The following PSMC2 variants were observed in gnomAD, a reference collection of about 807,000 sequenced individuals.
PSMC2 encodes proteasome 26S subunit, ATPase 2.
PSMC2 carries 7 observed loss-of-function variants against 53.3 expected under a neutral mutation model. The observed-to-expected ratio is 0.13, with a 90% CI of 0.07 to 0.25. The LOEUF (loss-of-function observed/expected upper bound fraction) is 0.25. PSMC2 is among the 10% of genes least tolerant of loss of function. The pLI, the probability that PSMC2 is intolerant of heterozygous loss-of-function variation, is 1.00. For missense variants in PSMC2, 241 were observed against 544.0 expected, an observed-to-expected ratio of 0.44 and a Z score of 5.54; for synonymous variants, 169 against 183.9, an observed-to-expected ratio of 0.92 and a Z score of 0.66.
chr7:103,364,052 TA>T, intron 7 of PSMC2, 90 bp from the exon 8 acceptor site: 1 of 1,225,464 alleles, frequency 8.2e-7, no homozygotes. Context: ...CAGGATAAAA[TA>T]CTAAACATAA....
chr7:103,364,958 C>CATATATATAT lies in PSMC2; in HGVS notation c.756+668_756+677dup, dbSNP rs59914167. ...GGTTGTTTTTATGTTTGTAGACATACATATATATATATATATATATATATA... is the reference window on the plus strand; with the variant it reads ...GGTTGTTTTTATGTTTGTAGACATACATATATATATATATATATATATATATATATATATA... On this transcript the variant is annotated intron_variant, in intron 8 of 11. Coordinates refer to ENST00000292644, the MANE Select transcript of PSMC2 (RefSeq NM_002803.4). Among the ~76,000 whole-genome samples, 1,217 of 125,420 alleles carry CATATATATAT rather than the reference C, an allele frequency of 9.7e-3. 31 individuals are homozygous for CATATATATAT. The highest frequency in any genetic ancestry group is 0.076 in the East Asian group (303 of 3,982). 82.3% of individuals were successfully genotyped at this position (125,420 alleles called of 152,430 possible).
chr7:103,359,506 A>AAT (rs1820252224), intron 4 of PSMC2, among the ~76,000 whole-genome samples: 1 of 152,084 alleles, frequency 6.6e-6, no homozygotes, highest in African/African-American at 2.4e-5. Flanking sequence ...GTCTCTTTCC[A>AAT]GCCCCTGGCA....
chr7:103,368,787 T>C lies in PSMC2; in HGVS notation c.*733T>C, dbSNP rs1219041436. ...AAATATTTGTACATATGATCTAATT[T>C]AGAAAGTCCAGAATTGGCTTCATAC... On this transcript the variant is annotated 3_prime_UTR_variant, in exon 12 of 12. Transcript: ENST00000292644. The C allele has an allele frequency of 6.6e-6, 1 of 152,224 alleles. No homozygotes were observed. The highest frequency in any genetic ancestry group is 1.5e-5 in the Non-Finnish European group (1 of 68,038). The allele number at this position is 152,224 out of a possible 1,614,324, so 9.4% of individuals were successfully genotyped here.
chr7:103,361,984 G>C lies in PSMC2; in HGVS notation c.318G>C (p.Ser106=). 2 of 1,613,124 alleles carry C rather than the reference G, an allele frequency of 1.2e-6. No individual in the cohort carries two copies. The highest frequency in any genetic ancestry group is 1.7e-6 in the Non-Finnish European group (2 of 1,179,728). The change falls in exon 5 of 12, where the codon TCG becomes TCC. Residue 106 remains serine, a synonymous_variant. Transcript: ENST00000292644. ...GTACAAAGATAATCAATGCTGATTC[G>C]GAGGACCCAAAATACATTATCAACG... The part of the protein sequence containing the change: ...ARCTKIINAD[S]EDPKYIINVK...
At chr7:103,354,213 T>G (rs903441965) in intron 2 of PSMC2, among the ~76,000 whole-genome samples, 3 of 152,204 alleles carry the variant, frequency 2.0e-5, no homozygotes, top group African/African-American at 7.2e-5. Context: ...TGTATTATTT[T>G]AATACTATTC....
rs1820861308 is a variant in PSMC2, at chr7:103,368,792, A to G, written c.*738A>G. ...TTTGTACATATGATCTAATTTAGAA[A>G]GTCCAGAATTGGCTTCATACAGAAA... On this transcript the variant is annotated 3_prime_UTR_variant, in exon 12 of 12. Coordinates refer to ENST00000292644, the MANE Select transcript of PSMC2 (RefSeq NM_002803.4). 1 of 152,236 alleles carries G rather than the reference A, an allele frequency of 6.6e-6. No homozygotes were observed. The highest frequency in any genetic ancestry group is 2.1e-4 in the South Asian group (1 of 4,838). 9.4% of individuals were successfully genotyped at this position (152,236 alleles called of 1,614,324 possible).
At chr7:103,350,028 T>G (rs1363316067) in intron 1 of PSMC2, among the ~76,000 whole-genome samples, 1 of 152,242 alleles carries the variant, frequency 6.6e-6, no homozygotes, top group Non-Finnish European at 1.5e-5. Context: ...ATTTTTGTTA[T>G]GTGCAACCTT....
In PSMC2 at chr7:103,347,764, A is replaced by C. The variant is rs1819636023; in HGVS notation, c.53A>C (p.Asp18Ala). The C allele has an allele frequency of 1.2e-6, 2 of 1,613,766 alleles. No homozygotes were observed. The highest frequency in any genetic ancestry group is 3.3e-5 in the Admixed American group (2 of 59,994). Reference sequence around the variant, plus strand: ...CGGAAGACCAAAGAGGATGAGAAGGACGACAAGCCCATCCGAGGTCAGTTG... The same window carrying C: ...CGGAAGACCAAAGAGGATGAGAAGGCCGACAAGCCCATCCGAGGTCAGTTG... ...DQRKTKEDEK[D>A]DKPIRALDEG... The change falls in exon 1 of 12, where the codon GAC (aspartate) becomes GCC (alanine). Residue 18 changes from aspartate (D) to alanine (A), a missense_variant. Coordinates refer to ENST00000292644, the MANE Select transcript of PSMC2 (RefSeq NM_002803.4).
In PSMC2 at chr7:103,362,041, T is replaced by G; in HGVS notation, c.375T>G (p.Leu125=). The part of the protein sequence containing the change: ...VKQFAKFVVD[L]SDQVAPTDIE... ...AGTTTGCCAAGTTTGTGGTGGACCTTAGTGATCAGGTGGCACCTACTGACA... is the reference window on the plus strand; with the variant it reads ...AGTTTGCCAAGTTTGTGGTGGACCTGAGTGATCAGGTGGCACCTACTGACA... The change falls in exon 5 of 12, where the codon CTT becomes CTG. Residue 125 remains leucine, a synonymous_variant. Coordinates refer to ENST00000292644, the MANE Select transcript of PSMC2 (RefSeq NM_002803.4). 1 of 1,613,740 alleles carries G rather than the reference T, an allele frequency of 6.2e-7. No individual in the cohort carries two copies. Among genetic ancestry groups the G allele is most frequent in the Non-Finnish European group, 8.5e-7 (1 of 1,179,888 alleles).
At chr7:103,365,862 A>C (rs564761384) in intron 8 of PSMC2, among the ~76,000 whole-genome samples, 1 of 152,226 alleles carries the variant, frequency 6.6e-6, no homozygotes, top group South Asian at 2.1e-4. Flanking sequence ...CAGGCGGCAG[A>C]GGTTGCAGTG....
chr7:103,354,320 G>A (rs1156484669), intron 2 of PSMC2, among the ~76,000 whole-genome samples: 1 of 149,874 alleles, frequency 6.7e-6, no homozygotes, highest in African/African-American at 2.5e-5. Context: ...CTGAAATGAA[G>A]TTTTAATGCA....
intron 3 of PSMC2, among the ~76,000 whole-genome samples, chr7:103,355,382 T>G (rs1819972950): frequency 6.6e-6 from 1 of 152,240 alleles, no homozygotes; most frequent in Non-Finnish European, 1.5e-5. Flanking sequence ...CATTATATTT[T>G]TGGCTTGACA....
At chr7:103,365,978 G>C in intron 8 of PSMC2, 98 bp from the exon 9 acceptor site, 2 of 956,300 alleles carry the variant, frequency 2.1e-6, no homozygotes, top group Non-Finnish European at 3.2e-6. Flanking sequence ...TGAGAATACT[G>C]TTAGGAATAA....
Position 103,355,794 on chromosome 7 carries a change from G to T in PSMC2, c.290+1G>T. Reference sequence around the variant, plus strand: ...GTGAACAGCCTTTACAGGTTGCCAGGTATGCACGGGTGCTCTGTGGCAACT... The same window carrying T: ...GTGAACAGCCTTTACAGGTTGCCAGTTATGCACGGGTGCTCTGTGGCAACT... On this transcript the variant is annotated splice_donor_variant, in intron 4 of 11. Transcript: ENST00000292644. LOFTEE classifies it high-confidence loss of function. The T allele has an allele frequency of 6.2e-7, 1 of 1,605,520 alleles. No homozygotes were observed. The highest frequency in any genetic ancestry group is 8.5e-7 in the Non-Finnish European group (1 of 1,172,836).
Position 103,362,004 on chromosome 7 carries a change from T to C in PSMC2, c.338T>C (p.Ile113Thr). The C allele has an allele frequency of 6.2e-7, 1 of 1,613,912 alleles. No individual in the cohort carries two copies. Among genetic ancestry groups the C allele is most frequent in the Non-Finnish European group, 8.5e-7 (1 of 1,179,920 alleles). Residue 113 changes from isoleucine to threonine, a missense_variant, in exon 5 of 12, where the codon ATC becomes ACC. Coordinates refer to ENST00000292644, the MANE Select transcript of PSMC2 (RefSeq NM_002803.4). ...NADSEDPKYI[I>T]NVKQFAKFVV... The stretch of plus-strand genomic sequence containing the variant: ...GATTCGGAGGACCCAAAATACATTA[T>C]CAACGTAAAGCAGTTTGCCAAGTTT...
At chr7:103,350,840 T>C (rs1819715744) in intron 1 of PSMC2, among the ~76,000 whole-genome samples, 1 of 152,172 alleles carries the variant, frequency 6.6e-6, no homozygotes, top group Admixed American at 6.5e-5. Flanking sequence ...TTTCTATCTA[T>C]ATAAATCAGT....
In PSMC2 at chr7:103,367,037, A is replaced by G. The variant is rs545182608; in HGVS notation, c.845-376A>G. ...CCAGGCTGGTCTCGAACTCCTGAGG[A>G]CAAGTTATTTTAACTAATCTCTGAG... On this transcript the variant is annotated intron_variant, in intron 9 of 11. Coordinates refer to ENST00000292644, the MANE Select transcript of PSMC2 (RefSeq NM_002803.4). The surrounding 1 kb of genome is among the most constrained non-coding windows in gnomAD (Gnocchi z 6.1). Among the ~76,000 whole-genome samples, 2 of 152,222 alleles carry G rather than the reference A, an allele frequency of 1.3e-5. No homozygotes were observed. The highest frequency in any genetic ancestry group is 3.9e-4 in the East Asian group (2 of 5,174).
intron 2 of PSMC2, among the ~76,000 whole-genome samples, chr7:103,354,365 A>ATTTTTT (rs752847513): frequency 1.5e-5 from 2 of 134,538 alleles, no homozygotes; most frequent in East Asian, 4.3e-4. Context: ...TTCACACACG[A>ATTTTTT]TTTTTTTTTT....
chr7:103,348,751 G>T, intron 1 of PSMC2: 1 of 1,300,230 alleles, frequency 7.7e-7, no homozygotes. Flanking sequence ...GAAGGATATT[G>T]GTTTCATTAA....
Sources: gnomAD v4.1 joint callset for allele counts (sites outside exome capture counted in the v4.1 genomes callset) on GRCh38, gnomAD v4.1.1 for gene constraint, Gnocchi (gnomAD v3.1) non-coding constraint, MANE v1.5 for transcripts, NCBI Gene and HGNC (gene_info 2026-07-23, HGNC 2026-07-21) for gene names.